The following PHACTR3 variants were observed in gnomAD, a reference collection of about 807,000 sequenced individuals.
PHACTR3 encodes protein phosphatase 1, regulatory subunit 123.
Under a neutral mutation model 66.8 loss-of-function variants are expected in PHACTR3, and 16 were observed. That is an observed-to-expected ratio of 0.24 (90% CI 0.16 to 0.36). The LOEUF (loss-of-function observed/expected upper bound fraction) is 0.36, where lower values mean the gene tolerates loss of function less well. Ranked by LOEUF, PHACTR3 falls within the 10% of genes least tolerant of loss-of-function variation. PHACTR3 has a pLI of 1.00. For missense variants in PHACTR3, 647 were observed against 719.9 expected, an observed-to-expected ratio of 0.90 and a Z score of 1.16; for synonymous variants, 323 against 292.1, an observed-to-expected ratio of 1.11 and a Z score of -1.08.
intron 1 of PHACTR3, among the ~76,000 whole-genome samples, chr20:59,598,533 C>T (rs1380409885): frequency 6.6e-6 from 1 of 152,184 alleles, no homozygotes; most frequent in Non-Finnish European, 1.5e-5. Context: ...GGGATGCCCA[C>T]ACCACATTTT....
At chr20:59,747,981 C>T (rs7266867) in intron 3 of PHACTR3, 146 bp downstream of exon 3, 29,729 of 823,680 alleles carry the variant, frequency 0.036, 871 homozygotes, top group African/African-American at 0.12. Context: ...GTTGGAGAGA[C>T]ACCCCATGTC....
intron 1 of PHACTR3, among the ~76,000 whole-genome samples, chr20:59,719,081 A>T (rs1183388568): frequency 6.6e-6 from 1 of 152,238 alleles, no homozygotes; most frequent in Non-Finnish European, 1.5e-5. Flanking sequence ...CTAACACCAG[A>T]TGAATGAATT....
chr20:59,581,349 C>T (rs899583073), intron 1 of PHACTR3, among the ~76,000 whole-genome samples: 3 of 152,226 alleles, frequency 2.0e-5, no homozygotes, highest in African/African-American at 7.2e-5. Context: ...TCTCCTTTCC[C>T]CCCAGGGTGC....
intron 1 of PHACTR3, among the ~76,000 whole-genome samples, chr20:59,716,906 G>T (rs6015561): frequency 6.6e-6 from 1 of 151,974 alleles, no homozygotes; most frequent in Non-Finnish European, 1.5e-5. Context: ...GGCAAAAAAC[G>T]CAAGCGTGGG....
At chr20:59,673,467 CACG>C (rs2036266340) in intron 1 of PHACTR3, among the ~76,000 whole-genome samples, 1 of 152,218 alleles carries the variant, frequency 6.6e-6, no homozygotes, top group Non-Finnish European at 1.5e-5. Context: ...AGGTCAGCAG[CACG>C]ACAAGGGGCA....
rs73301435 is a variant in PHACTR3 at position 59,625,923 on chromosome 20, C to T, written c.118+20791C>T. ...ACCGCTTGTATCTGTGACCGAATAC[C>T]TCAGGGTTTGTGGTGAGGGACGTGG... is the stretch of plus-strand genomic sequence containing the variant. On this transcript the variant is annotated intron_variant, in intron 1 of 12. Transcript: ENST00000371015. 5.5e-3 allele frequency among the ~76,000 whole-genome samples: 834 copies of T among 152,156 alleles called. 7 individuals carry two copies. Among genetic ancestry groups the T allele is most frequent in the African/African-American group, 0.019 (781 of 41,516 alleles).
chr20:59,775,240 G>A (rs769269339), intron 7 of PHACTR3, among the ~76,000 whole-genome samples: 1 of 152,172 alleles, frequency 6.6e-6, no homozygotes, highest in Non-Finnish European at 1.5e-5. Flanking sequence ...GCTGTGCGGG[G>A]CCCTCTGATT....
intron 1 of PHACTR3, among the ~76,000 whole-genome samples, chr20:59,606,862 T>C (rs998907675): frequency 2.0e-5 from 3 of 152,128 alleles, no homozygotes; most frequent in Non-Finnish European, 4.4e-5. Context: ...GTGCAACTGG[T>C]CTAAATGGGA....
At chr20:59,753,299 G>T (rs1024823233) in intron 3 of PHACTR3, among the ~76,000 whole-genome samples, 12 of 152,180 alleles carry the variant, frequency 7.9e-5, no homozygotes, top group Admixed American at 7.9e-4. Flanking sequence ...GGATGAGATC[G>T]TCCAGCCCTA....
At chr20:59,645,796 A>G (rs1205232106) in intron 1 of PHACTR3, among the ~76,000 whole-genome samples, 1 of 152,194 alleles carries the variant, frequency 6.6e-6, no homozygotes, top group Non-Finnish European at 1.5e-5. Flanking sequence ...CGCTGGAATG[A>G]AAACAGTCTC....
At chr20:59,651,859 AGGT>A (rs1287504505) in intron 1 of PHACTR3, among the ~76,000 whole-genome samples, 1 of 151,960 alleles carries the variant, frequency 6.6e-6, no homozygotes, top group African/African-American at 2.4e-5. Flanking sequence ...GTAGGTAGGT[AGGT>A]AGGTAGGTAG....
At chr20:59,780,737 G>A (rs1201966280) in intron 7 of PHACTR3, among the ~76,000 whole-genome samples, 2 of 152,136 alleles carry the variant, frequency 1.3e-5, no homozygotes, top group Admixed American at 6.5e-5. Context: ...AGAGAGACTT[G>A]CTGCAGGATT....
intron 4 of PHACTR3, among the ~76,000 whole-genome samples, chr20:59,765,754 A>G (rs1054802911): frequency 6.6e-6 from 1 of 152,190 alleles, no homozygotes; most frequent in Non-Finnish European, 1.5e-5. Context: ...AGCACCATGG[A>G]CAGCACCCAA....
Position 59,605,099 on chromosome 20 carries a change from G to C in PHACTR3, c.85G>C (p.Ala29Pro). ...CCCCAGCGTCCTCACCGACTCCTCG[G>C]CCACCTCCTCCGCGGACGCCGGGGA... The part of the protein sequence containing the change: ...SDPSVLTDSS[A>P]TSSADAGENP... Residue 29 changes from alanine to proline, a missense_variant, in exon 1 of 13, where the codon GCC becomes CCC. Around this residue, in one of 2 missense-constraint regions of PHACTR3, gnomAD observed 577 missense variants for 571.1 expected, o/e 1.01. Transcript: ENST00000371015. 7.3e-7 allele frequency: 1 copy of C among 1,366,484 alleles called. No individual in the cohort carries two copies. The highest frequency in any genetic ancestry group is 9.5e-7 in the Non-Finnish European group (1 of 1,051,120). The allele number at this position is 1,366,484 out of a possible 1,614,324, so 84.6% of individuals were successfully genotyped here.
intron 1 of PHACTR3, among the ~76,000 whole-genome samples, chr20:59,677,795 A>G (rs906201589): frequency 2.6e-5 from 4 of 152,214 alleles, no homozygotes; most frequent in Non-Finnish European, 4.4e-5. Context: ...GTGTATAATG[A>G]TGGTAACCAC....
At chr20:59,691,748 G>A (rs1047432989) in intron 1 of PHACTR3, among the ~76,000 whole-genome samples, 1 of 152,196 alleles carries the variant, frequency 6.6e-6, no homozygotes, top group Non-Finnish European at 1.5e-5. Flanking sequence ...GAAGGATGCT[G>A]AGGAGGTTTC....
intron 1 of PHACTR3, among the ~76,000 whole-genome samples, chr20:59,614,879 C>T (rs887138970): frequency 1.3e-5 from 2 of 152,146 alleles, no homozygotes; most frequent in Admixed American, 6.5e-5. Context: ...CAGCGTTACT[C>T]CTGGGGTGAC....
chr20:59,577,892 G>A (rs1045778272), intron 1 of PHACTR3, among the ~76,000 whole-genome samples: 2 of 152,258 alleles, frequency 1.3e-5, no homozygotes, highest in African/African-American at 2.4e-5. Flanking sequence ...CGACAGTCTG[G>A]GGTTTGGAAT....
At chr20:59,671,719 G>T (rs147885084) in intron 1 of PHACTR3, among the ~76,000 whole-genome samples, 47 of 152,346 alleles carry the variant, frequency 3.1e-4, no homozygotes, top group African/African-American at 1.1e-3. Context: ...CCTGCACCAT[G>T]CCTGGTAGAT....
Sources: allele counts gnomAD v4.1 joint callset (sites outside exome capture counted in the v4.1 genomes callset), GRCh38; gene constraint gnomAD v4.1.1; regional missense constraint gnomAD v4.1.1; transcripts MANE v1.5; gene names NCBI Gene and HGNC (gene_info 2026-07-23, HGNC 2026-07-21).